The following PDE8B variants were observed in gnomAD, a reference collection of about 807,000 sequenced individuals.
The protein encoded by PDE8B is high affinity cAMP-specific and IBMX-insensitive 3',5'-cyclic phosphodiesterase 8B.
PDE8B carries 26 observed loss-of-function variants against 101.3 expected under a neutral mutation model. The observed-to-expected ratio is 0.26, with a 90% CI of 0.19 to 0.36. PDE8B has a LOEUF of 0.36. PDE8B is among the 10% of genes least tolerant of loss of function. The pLI, the probability that PDE8B is intolerant of heterozygous loss-of-function variation, is 1.00. For synonymous variants in PDE8B, 424 were observed against 429.3 expected, an observed-to-expected ratio of 0.99 and a Z score of 0.15; for missense variants, 810 against 1,163.1, an observed-to-expected ratio of 0.70 and a Z score of 4.42.
chr5:77,279,443 T>C (rs1206735752), intron 1 of PDE8B, among the ~76,000 whole-genome samples: 1 of 152,234 alleles, frequency 6.6e-6, no homozygotes, highest in East Asian at 1.9e-4. Flanking sequence ...GCCATAAGCA[T>C]TGGAAAGTGC....
In PDE8B at chr5:77,421,867, C is replaced by T; in HGVS notation, c.2297C>T (p.Pro766Leu). Reference protein sequence around the residue: ...CECNPAGKNFPENQILIKRMM... With the variant: ...CECNPAGKNFLENQILIKRMM... ...TGCAACCCTGCTGGGAAGAACTTCC[C>T]TGAAAACCAAATCCTGATCAAACGC... The change falls in exon 20 of 22, where the codon CCT becomes CTT. Residue 766 changes from proline to leucine, a missense_variant. By Grantham distance (98) the Pro-to-Leu change is moderately conservative. This residue lies in a region of PDE8B where 325 missense variants were observed against 560.9 expected (regional missense o/e 0.58). Transcript: ENST00000264917. 6.2e-7 allele frequency: 1 copy of T among 1,614,066 alleles called. No homozygotes were observed. The highest frequency in any genetic ancestry group is 2.2e-5 in the East Asian group (1 of 44,866).
intron 10 of PDE8B, among the ~76,000 whole-genome samples, chr5:77,389,560 T>C (rs112120108): frequency 5.7e-4 from 86 of 152,160 alleles, no homozygotes; most frequent in Non-Finnish European, 1.0e-3. Flanking sequence ...TGACAAAGCA[T>C]ATAATACTGG....
At chr5:77,239,700 A>C (rs951622718) in intron 1 of PDE8B, among the ~76,000 whole-genome samples, 4 of 152,204 alleles carry the variant, frequency 2.6e-5, no homozygotes, top group Admixed American at 6.5e-5. Context: ...GTAACTTTAA[A>C]ACTTTCCACA....
At chr5:77,252,844 T>C (rs903288750) in intron 1 of PDE8B, among the ~76,000 whole-genome samples, 2 of 152,234 alleles carry the variant, frequency 1.3e-5, no homozygotes, top group Admixed American at 1.3e-4. Context: ...TTAATTTTTC[T>C]GTTACCATCT....
At chr5:77,378,050 C>CACACACACACA (rs1297659516) in intron 10 of PDE8B, among the ~76,000 whole-genome samples, 191 of 110,264 alleles carry the variant, frequency 1.7e-3, no homozygotes, top group African/African-American at 9.3e-3. Context: ...ACACACACAC[C>CACACACACACA]CCCTGTTGGT....
the PDE8B span, among the ~76,000 whole-genome samples, chr5:77,183,057 A>G: frequency 2.0e-5 from 3 of 151,690 alleles, no homozygotes; most frequent in African/African-American, 7.3e-5. Flanking sequence ...TAAGCTCTTT[A>G]TGTAAACACT....
At chr5:77,426,327 G>A (rs901831715) in intron 21 of PDE8B, 118 bp from the exon 22 acceptor site, 14 of 726,110 alleles carry the variant, frequency 1.9e-5, no homozygotes, top group South Asian at 4.5e-5. Context: ...CTCATGCTTC[G>A]CCCAGGGTGT....
chr5:77,259,073 C>CT (rs1759878417), intron 1 of PDE8B, among the ~76,000 whole-genome samples: 5 of 77,194 alleles, frequency 6.5e-5, no homozygotes, highest in Admixed American at 1.2e-4. Flanking sequence ...CACACACCCC[C>CT]GCCCCCCCCC....
intron 8 of PDE8B, among the ~76,000 whole-genome samples, 189 bp downstream of exon 8, chr5:77,349,748 A>G (rs894281919): frequency 7.2e-5 from 11 of 152,170 alleles, no homozygotes; most frequent in Admixed American, 3.3e-4. Flanking sequence ...GGTGCTTATC[A>G]TTATGGTACA....
the PDE8B span, among the ~76,000 whole-genome samples, chr5:77,097,685 T>TTATATA: frequency 0.044 from 796 of 17,898 alleles, 59 homozygotes; most frequent in South Asian, 0.068. Flanking sequence ...TGTGGAGATT[T>TTATATA]TATATATCTA....
the PDE8B span, among the ~76,000 whole-genome samples, chr5:77,095,533 A>G: frequency 1.3e-5 from 2 of 152,074 alleles, no homozygotes; most frequent in South Asian, 2.1e-4. Flanking sequence ...AAAATTTTTC[A>G]GTGAGAATCG....
chr5:77,317,210 A>G (rs1183315544), intron 2 of PDE8B, among the ~76,000 whole-genome samples: 1 of 152,200 alleles, frequency 6.6e-6, no homozygotes, highest in Non-Finnish European at 1.5e-5. Context: ...TCTTCTACTA[A>G]CATTGCAATT....
intron 10 of PDE8B, among the ~76,000 whole-genome samples, chr5:77,380,738 T>C (rs1053562146): frequency 1.1e-4 from 17 of 152,250 alleles, no homozygotes; most frequent in Non-Finnish European, 1.5e-5. Context: ...ACAGAACTTA[T>C]AGATAGACAT....
chr5:77,313,778 CTTTA>C (rs1252555052), intron 2 of PDE8B, among the ~76,000 whole-genome samples: 3 of 152,120 alleles, frequency 2.0e-5, no homozygotes, highest in African/African-American at 4.8e-5. Flanking sequence ...TGTTTAAGCC[CTTTA>C]TTTATCCCTT....
At chr5:77,243,115 G>A (rs1364584979) in intron 1 of PDE8B, among the ~76,000 whole-genome samples, 1 of 152,112 alleles carries the variant, frequency 6.6e-6, no homozygotes. Context: ...TTGCAATGAT[G>A]TTGATGGGAA....
rs758398562 is a variant in PDE8B, at chr5:77,211,276, G to A, written c.339+12G>A. On this transcript the variant is annotated intron_variant, in intron 1 of 21. Coordinates refer to ENST00000264917, the MANE Select transcript of PDE8B (RefSeq NM_003719.5). The surrounding 1 kb of genome is among the most constrained non-coding windows in gnomAD (Gnocchi z 4.1). Reference sequence around the variant, plus strand: ...ACACCAGCGTGAAGGTAAATGCCCCGCGCTGGCACACGCCGTGGGGGCCGT... The same window carrying A: ...ACACCAGCGTGAAGGTAAATGCCCCACGCTGGCACACGCCGTGGGGGCCGT... 4 of 1,548,780 alleles carry A rather than the reference G, an allele frequency of 2.6e-6. No individual in the cohort carries two copies. Among genetic ancestry groups the A allele is most frequent in the African/African-American group, 1.4e-5 (1 of 72,692 alleles).
intron 2 of PDE8B, among the ~76,000 whole-genome samples, chr5:77,314,574 C>A (rs1427126770): frequency 6.6e-6 from 1 of 152,022 alleles, no homozygotes; most frequent in African/African-American, 2.4e-5. Context: ...GCTTGCTGAA[C>A]TCATGTATTA....
At chr5:77,387,760 G>A (rs1008702654) in intron 10 of PDE8B, among the ~76,000 whole-genome samples, 1 of 152,074 alleles carries the variant, frequency 6.6e-6, no homozygotes, top group African/African-American at 2.4e-5. Flanking sequence ...ATTTCTTGGA[G>A]GCCTTGTTCA....
At chr5:77,147,228 C>T in the PDE8B span, 1 of 291,954 alleles carries the variant, frequency 3.4e-6, no homozygotes, top group East Asian at 8.7e-5. Context: ...GTTTACAACT[C>T]CTTTTAAAGA....
Sources: allele counts gnomAD v4.1 joint callset (sites outside exome capture counted in the v4.1 genomes callset), GRCh38; gene constraint gnomAD v4.1.1; regional missense constraint gnomAD v4.1.1; non-coding constraint Gnocchi (gnomAD v3.1); transcripts MANE v1.5; gene names NCBI Gene and HGNC (gene_info 2026-07-23, HGNC 2026-07-21).